SGSM3: variants seen among roughly 807,000 people sequenced by gnomAD.
SGSM3 encodes the protein RUN and SH3 containing 3.
SGSM3 carries 96 observed loss-of-function variants against 100.5 expected under a neutral mutation model. That is an observed-to-expected ratio of 0.96 (90% CI 0.81 to 1.13). The LOEUF (loss-of-function observed/expected upper bound fraction) is 1.13. Among genes scored for constraint, SGSM3 ranks in the 50% most tolerant of loss-of-function variants. The probability of loss-of-function intolerance (pLI) is 0.00; values close to 1 mark genes in which losing one functional copy is unlikely to be tolerated. For synonymous variants in SGSM3, 483 were observed against 422.8 expected (o/e 1.14, Z -1.75); for missense variants, 1,001 against 1,015.8 (o/e 0.99, Z 0.20).
rs755831896 is a variant in SGSM3 at position 40,409,334 on chromosome 22, G to C, written c.2073G>C (p.Leu691=). 6.8e-6 allele frequency: 11 copies of C among 1,612,792 alleles called. No homozygotes were observed. Among genetic ancestry groups the C allele is most frequent in the Non-Finnish European group, 9.3e-6 (11 of 1,179,540 alleles). The change falls in exon 20 of 22, where the codon CTG becomes CTC. Residue 691 remains leucine, a synonymous_variant. Coordinates refer to ENST00000248929, the MANE Select transcript of SGSM3 (RefSeq NM_015705.6). The stretch of plus-strand genomic sequence containing the variant: ...AGTGGTACCAGCCCTGGTCCTTCCT[G>C]CGCAGCCCGGGCTGGGTCCAGATCA... ...VEKWYQPWSF[L]RSPGWVQIKC...
At chr22:40,393,731 G>A (rs574046651) in intron 1 of SGSM3, among the ~76,000 whole-genome samples, 13 of 152,312 alleles carry the variant, frequency 8.5e-5, no homozygotes, top group Admixed American at 2.6e-4. Context: ...AAGTCCAAGC[G>A]TTTGTTGAGG....
Position 40,400,917 on chromosome 22 carries a change from G to A in SGSM3, c.7+104G>A, listed in dbSNP as rs1395715242. 5.2e-6 allele frequency: 6 copies of A among 1,156,836 alleles called. No homozygotes were observed. In the Admixed American group the frequency reaches 1.9e-4, roughly 36 times the overall value. 71.7% of individuals were successfully genotyped at this position (1,156,836 alleles called of 1,614,324 possible). On this transcript the variant is annotated intron_variant, in intron 2 of 21. Transcript: ENST00000248929. ...TCCATAAAACACCATCCAGATAAGA[G>A]AGGTGGAGATGGTAGGGAAGGCTTC...
Position 40,408,369 on chromosome 22 carries a change from T to C in SGSM3, c.1722T>C (p.His574=), listed in dbSNP as rs776875844. The change falls in exon 16 of 22, where the codon CAT becomes CAC. Residue 574 remains histidine, a synonymous_variant. Transcript: ENST00000248929. ...LCPALKALFE[H]GLKKPSLLGG... is the part of the protein sequence containing the mutation. Reference sequence around the variant, plus strand: ...CGGCCCTTAAGGCCCTGTTCGAACATGGACTGAAGAAGCCATCCCTGCTTG... The same window carrying C: ...CGGCCCTTAAGGCCCTGTTCGAACACGGACTGAAGAAGCCATCCCTGCTTG... 1.9e-6 allele frequency: 3 copies of C among 1,613,386 alleles called. No individual in the cohort carries two copies. Among genetic ancestry groups the C allele is most frequent in the Non-Finnish European group, 2.5e-6 (3 of 1,179,944 alleles).
chr22:40,402,857 C>G (rs974906449), intron 4 of SGSM3, among the ~76,000 whole-genome samples: 5 of 152,210 alleles, frequency 3.3e-5, no homozygotes, highest in South Asian at 4.1e-4. Context: ...TTGTTTTCTA[C>G]TATAAATGGA....
intron 20 of SGSM3, 36 bp from the exon 21 acceptor site, chr22:40,409,429 G>A (rs1256742662): frequency 6.4e-7 from 1 of 1,567,990 alleles, no homozygotes; most frequent in Non-Finnish European, 8.7e-7. Flanking sequence ...CTAGCTGGGG[G>A]TGACAAGAGC....
Position 40,405,790 on chromosome 22 carries a change from C to G in SGSM3, c.760C>G (p.Leu254Val). 1 of 1,613,674 alleles carries G rather than the reference C, an allele frequency of 6.2e-7. No individual in the cohort carries two copies. The highest frequency in any genetic ancestry group is 8.5e-7 in the Non-Finnish European group (1 of 1,179,966). The change falls in exon 8 of 22, where the codon CTC (leucine) becomes GTC (valine). Residue 254 changes from leucine (L) to valine (V), a missense_variant. Coordinates refer to ENST00000248929, the MANE Select transcript of SGSM3 (RefSeq NM_015705.6). Reference protein sequence around the residue: ...VQTDQRVLRHLIVQYLPRLDK... With the variant: ...VQTDQRVLRHVIVQYLPRLDK... ...GACTGACCAGCGGGTCCTGCGCCAC[C>G]TCATTGTCCAGTACCTGCCTCGCCT...
chr22:40,372,725 TG>T (rs1427965809), intron 1 of SGSM3: 1 of 152,208 alleles, frequency 6.6e-6, no homozygotes, highest in African/African-American at 2.4e-5. Context: ...TTTCTATGCC[TG>T]GAGTGGATGT....
Position 40,405,681 on chromosome 22 carries a change from G to A in SGSM3, c.651G>A (p.Glu217=), listed in dbSNP as rs1602081831. ...VAACLLLFLE[E]EDAFWMMSAI... ...CCTGCCTCCTGCTGTTCCTGGAGGA[G>A]GAGGACGCCTTCTGGATGATGTCTG... The change falls in exon 8 of 22, where the codon GAG becomes GAA. Residue 217 remains glutamate (E), a synonymous_variant. Coordinates refer to ENST00000248929, the MANE Select transcript of SGSM3 (RefSeq NM_015705.6). 1.9e-6 allele frequency: 3 copies of A among 1,613,692 alleles called. No individual in the cohort carries two copies.
rs767242903 is a variant in SGSM3, at chr22:40,406,128, G to GTGGACATCAAGCTGCTCC, written c.868_885dup (p.Asp290_Leu295dup). On this transcript the variant is annotated inframe_insertion, in exon 9 of 22. Coordinates refer to ENST00000248929, the MANE Select transcript of SGSM3 (RefSeq NM_015705.6). ...GTTCCTCACGGCCTTCGCCAGCGTG[G>GTGGACATCAAGCTGCTCC]TGGACATCAAGCTGCTCCTGCGCAT... is the stretch of plus-strand genomic sequence containing the variant. The GTGGACATCAAGCTGCTCC allele has an allele frequency of 3.1e-6, 5 of 1,614,128 alleles. No homozygotes were observed. The Admixed American group carries it at 8.3e-5, about 27-fold the overall frequency.
rs1245735312 is a variant in SGSM3, at chr22:40,407,096, A to G, written c.1240+25A>G. 6.2e-7 allele frequency: 1 copy of G among 1,604,682 alleles called. No homozygotes were observed. The highest frequency in any genetic ancestry group is 1.1e-5 in the South Asian group (1 of 89,718). ...GGTGAGAGCTCTGCGAGTGCCAGGC[A>G]GTGTGGGCATGCGGGAGTCTGTCCT... On this transcript the variant is annotated intron_variant, in intron 11 of 21. Coordinates refer to ENST00000248929, the MANE Select transcript of SGSM3 (RefSeq NM_015705.6). This position sits in a 1 kb window ranked among gnomAD's most constrained non-coding sequence, Gnocchi z 4.7.
rs189085819 is a variant in SGSM3 at position 40,392,522 on chromosome 22, G to A, written c.-111-8174G>A. Among the ~76,000 whole-genome samples the A allele has an allele frequency of 2.0e-5, 3 of 152,190 alleles. No individual in the cohort carries two copies. In the East Asian group the frequency reaches 5.8e-4, roughly 29 times the overall value. ...CTCAGCAGAGGTGGATATTTAAGGT[G>A]GTGAGTAGTAGCAGCTCTGCAGGGG... is the stretch of plus-strand genomic sequence containing the variant. On this transcript the variant is annotated intron_variant, in intron 1 of 21. Transcript: ENST00000248929.
intron 1 of SGSM3, among the ~76,000 whole-genome samples, chr22:40,397,663 C>T (rs2050211418): frequency 1.3e-5 from 2 of 152,170 alleles, no homozygotes; most frequent in African/African-American, 2.4e-5. Flanking sequence ...TGTTTCCTCC[C>T]ACTCTTTCCT....
Position 40,409,539 on chromosome 22 carries a change from G to T in SGSM3, c.2172+14G>T. 6.2e-7 allele frequency: 1 copy of T among 1,605,146 alleles called. No individual in the cohort carries two copies. Among genetic ancestry groups the T allele is most frequent in the East Asian group, 2.2e-5 (1 of 44,790 alleles). ...GCGAAGAGAGAGGTGGGTGGTGTGG[G>T]CCTCGTAGGGCCTGCACTGATGGAG... On this transcript the variant is annotated intron_variant, in intron 21 of 21. Coordinates refer to ENST00000248929, the MANE Select transcript of SGSM3 (RefSeq NM_015705.6).
chr22:40,386,783 T>C (rs1215121521), intron 1 of SGSM3, among the ~76,000 whole-genome samples: 1 of 152,030 alleles, frequency 6.6e-6, no homozygotes, highest in African/African-American at 2.4e-5. Context: ...AACTCTATAA[T>C]TCATGACTTT....
chr22:40,407,377 C>T lies in SGSM3; in HGVS notation c.1369-36C>T, dbSNP rs778645919. On this transcript the variant is annotated intron_variant, in intron 12 of 21. Transcript: ENST00000248929. The surrounding 1 kb of genome is among the most constrained non-coding windows in gnomAD (Gnocchi z 4.7). ...GCTACCAAACACGGCCCTAACTCCT[C>T]CAACCCCCTTGGTGGGCCTGTGTTC... 7 of 1,612,008 alleles carry T rather than the reference C, an allele frequency of 4.3e-6. No individual in the cohort carries two copies. In the African/African-American group the frequency reaches 8.0e-5, roughly 18 times the overall value.
chr22:40,370,810 A>T (rs1296055192), intron 1 of SGSM3, 122 bp downstream of exon 1: 1 of 152,080 alleles, frequency 6.6e-6, no homozygotes. Flanking sequence ...GAAGGCGCCC[A>T]CGAGAGAAGC....
At chr22:40,381,445 G>A (rs190556150) in intron 1 of SGSM3, among the ~76,000 whole-genome samples, 5 of 152,170 alleles carry the variant, frequency 3.3e-5, no homozygotes, top group East Asian at 1.9e-4. Context: ...CACCATGCCC[G>A]GCTACAAGGC....
chr22:40,410,205 C>T lies in SGSM3; in HGVS notation c.*446C>T, dbSNP rs2052425341. The T allele has an allele frequency of 1.9e-6, 2 of 1,061,826 alleles. No individual in the cohort carries two copies. The highest frequency in any genetic ancestry group is 2.3e-6 in the Non-Finnish European group (2 of 878,118). The allele number at this position is 1,061,826 out of a possible 1,614,324, so 65.8% of individuals were successfully genotyped here. ...GTGGTCTAGAAGGCACTGCGTGGCC[C>T]CTCAGATGCTGGGACACAACAGACC... is the stretch of plus-strand genomic sequence containing the variant. On this transcript the variant is annotated 3_prime_UTR_variant, in exon 22 of 22. Coordinates refer to ENST00000248929, the MANE Select transcript of SGSM3 (RefSeq NM_015705.6).
At chr22:40,371,160 G>C (rs2045380096) in intron 1 of SGSM3, among the ~76,000 whole-genome samples, 1 of 152,214 alleles carries the variant, frequency 6.6e-6, no homozygotes, top group African/African-American at 2.4e-5. Context: ...ATCCAGGCCC[G>C]AGACTCGGAA....
Sources: gnomAD v4.1 joint callset for allele counts (sites outside exome capture counted in the v4.1 genomes callset) on GRCh38, gnomAD v4.1.1 for gene constraint, Gnocchi (gnomAD v3.1) non-coding constraint, MANE v1.5 for transcripts, NCBI Gene and HGNC (gene_info 2026-07-23, HGNC 2026-07-21) for gene names.